The following VWA8 variants were observed in gnomAD, a reference collection of about 807,000 sequenced individuals.
VWA8 encodes the protein von Willebrand factor A domain containing 8.
Under a neutral mutation model 241.5 loss-of-function variants are expected in VWA8, and 221 were observed. The observed-to-expected ratio is 0.91, with a 90% confidence interval of 0.82 to 1.02. The LOEUF (loss-of-function observed/expected upper bound fraction) is 1.02. Among genes scored for constraint, VWA8 ranks in the 50% least tolerant of loss-of-function variants. The pLI, the probability that VWA8 is intolerant of heterozygous loss-of-function variation, is 0.00. For missense variants in VWA8, 2,322 were observed against 2,328.7 expected (o/e 1.00, Z 0.06); for synonymous variants, 852 against 827.1 (o/e 1.03, Z -0.52).
intron 20 of VWA8, 53 bp downstream of exon 20, chr13:41,777,932 T>C: frequency 1.4e-6 from 2 of 1,459,324 alleles, no homozygotes; most frequent in Non-Finnish European, 1.9e-6. Context: ...TTACTGCTTT[T>C]AAATTGTTAC....
intron 9 of VWA8, among the ~76,000 whole-genome samples, chr13:41,873,113 A>G (rs1873718769): frequency 6.6e-6 from 1 of 152,196 alleles, no homozygotes; most frequent in African/African-American, 2.4e-5. Context: ...AGGCAGAAAT[A>G]AAGATGTTCT....
intron 22 of VWA8, 126 bp downstream of exon 22, chr13:41,731,954 A>C: frequency 2.8e-6 from 2 of 725,798 alleles, no homozygotes; most frequent in Non-Finnish European, 4.4e-6. Flanking sequence ...CGTCTCAGGT[A>C]TGTCTTTATA....
intron 17 of VWA8, among the ~76,000 whole-genome samples, chr13:41,810,595 G>C (rs1012962803): frequency 2.0e-5 from 3 of 151,996 alleles, no homozygotes; most frequent in Admixed American, 2.0e-4. Flanking sequence ...TTCACAAAGA[G>C]AGACTAGAAG....
In VWA8 at chr13:41,830,525, T is replaced by G. The variant is rs2138000198; in HGVS notation, c.1700+4A>C. The G allele has an allele frequency of 2.5e-6, 4 of 1,611,588 alleles. No individual in the cohort carries two copies. In the East Asian group the frequency reaches 8.9e-5, roughly 36 times the overall value. ...AGCAATGGGAGTAATGGACCCCAAATTACCTCTTCTGTAGCTGTTCATCAG... is the reference window on the plus strand; with the variant it reads ...AGCAATGGGAGTAATGGACCCCAAAGTACCTCTTCTGTAGCTGTTCATCAG... On this transcript the variant is annotated splice_donor_region_variant and intron_variant, in intron 14 of 44. Transcript: ENST00000379310.
At chr13:41,638,596 T>C (rs564207377) in intron 37 of VWA8, among the ~76,000 whole-genome samples, 1 of 152,098 alleles carries the variant, frequency 6.6e-6, no homozygotes, top group South Asian at 2.1e-4. Context: ...AATAAGATGA[T>C]GAGTGAAAGG....
rs35506856 is a variant in VWA8, at chr13:41,949,031, T to TAAAAAAAAAA, written c.241+895_241+904dup. On this transcript the variant is annotated intron_variant, in intron 2 of 44. Coordinates refer to ENST00000379310, the MANE Select transcript of VWA8 (RefSeq NM_015058.2). ...AACAAGCAAAACTAATCTACCATCA[T>TAAAAAAAAAA]AAAAAAAAAAAAAAAAAAAAAAAAA... Among the ~76,000 whole-genome samples the TAAAAAAAAAA allele has an allele frequency of 2.7e-3, 172 of 63,410 alleles. 1 individual carries two copies. Among genetic ancestry groups the TAAAAAAAAAA allele is most frequent in the Non-Finnish European group, 4.0e-3 (140 of 34,952 alleles). 41.6% of individuals were successfully genotyped at this position (63,410 alleles called of 152,430 possible). A position where few individuals can be genotyped will look rare whatever the true frequency, so the allele number is the denominator to read the frequency against.
At chr13:41,693,484 A>G (rs2045193358) in intron 29 of VWA8, among the ~76,000 whole-genome samples, 1 of 152,074 alleles carries the variant, frequency 6.6e-6, no homozygotes, top group South Asian at 2.1e-4. Flanking sequence ...TAAAATAGAT[A>G]TAAAGAGGAC....
At chr13:41,866,388 T>TGTGC (rs892488229) in intron 10 of VWA8, among the ~76,000 whole-genome samples, 2 of 148,036 alleles carry the variant, frequency 1.4e-5, no homozygotes, top group African/African-American at 5.0e-5. Context: ...TGTGTGTGTG[T>TGTGC]GCGCGTGTGT....
At chr13:41,959,887 C>A (rs1878532163) in intron 1 of VWA8, among the ~76,000 whole-genome samples, 1 of 152,150 alleles carries the variant, frequency 6.6e-6, no homozygotes, top group Non-Finnish European at 1.5e-5. Flanking sequence ...GGATTACAGG[C>A]GTGAGCCACC....
intron 40 of VWA8, among the ~76,000 whole-genome samples, chr13:41,595,588 G>A (rs1307446608): frequency 1.3e-5 from 2 of 152,074 alleles, no homozygotes; most frequent in Non-Finnish European, 2.9e-5. Flanking sequence ...GCCTGTTTCT[G>A]AACTTTATAA....
chr13:41,728,085 C>T (rs1289581679), intron 23 of VWA8, among the ~76,000 whole-genome samples: 1 of 152,008 alleles, frequency 6.6e-6, no homozygotes, highest in Non-Finnish European at 1.5e-5. Context: ...AGTTGCCCAT[C>T]TTTAAAAAAT....
In VWA8 at chr13:41,891,382, G is replaced by C. The variant is rs534318655; in HGVS notation, c.651+38C>G. 35 of 1,612,128 alleles carry C rather than the reference G, an allele frequency of 2.2e-5. 1 individual carries two copies. In the South Asian group the frequency reaches 3.3e-4, roughly 15 times the overall value. ...AATAAAATGGCACTGCCCATAGCTTGACAGCAAAGACAAAGCAACAGGATT... is the reference window on the plus strand; with the variant it reads ...AATAAAATGGCACTGCCCATAGCTTCACAGCAAAGACAAAGCAACAGGATT... On this transcript the variant is annotated intron_variant, in intron 5 of 44. Coordinates refer to ENST00000379310, the MANE Select transcript of VWA8 (RefSeq NM_015058.2).
chr13:41,633,869 A>G (rs1387731715), intron 37 of VWA8, among the ~76,000 whole-genome samples: 1 of 152,038 alleles, frequency 6.6e-6, no homozygotes, highest in African/African-American at 2.4e-5. Flanking sequence ...TTTGTTTCCC[A>G]CTTATACCTT....
chr13:41,886,659 T>C (rs1874553881), intron 7 of VWA8, 122 bp downstream of exon 7: 3 of 805,854 alleles, frequency 3.7e-6, no homozygotes, highest in East Asian at 2.8e-5. Context: ...AACATCCTAA[T>C]ACTGAAAAAT....
At chr13:41,821,400 G>T (rs1888558) in intron 14 of VWA8, among the ~76,000 whole-genome samples, 3 of 151,926 alleles carry the variant, frequency 2.0e-5, no homozygotes, top group Non-Finnish European at 4.4e-5. Context: ...CTCCCTAAAG[G>T]CTTCCTTACA....
chr13:41,892,695 C>T (rs1315973358), intron 4 of VWA8, among the ~76,000 whole-genome samples: 2 of 152,200 alleles, frequency 1.3e-5, no homozygotes, highest in South Asian at 2.1e-4. Context: ...CACCTCAGGT[C>T]CCTTGTACAA....
At chr13:41,732,025 T>C in intron 22 of VWA8, 55 bp downstream of exon 22, 1 of 1,517,814 alleles carries the variant, frequency 6.6e-7, no homozygotes, top group Non-Finnish European at 9.1e-7. Flanking sequence ...AAAACTGAAA[T>C]ACAACTATGA....
intron 17 of VWA8, among the ~76,000 whole-genome samples, chr13:41,793,549 C>T (rs1278548194): frequency 1.3e-5 from 2 of 152,136 alleles, no homozygotes; most frequent in East Asian, 3.9e-4. Context: ...CACGGTGGCT[C>T]ACACTTGTAA....
At chr13:41,689,232 C>CCTTCCATG in intron 34 of VWA8, 122 bp downstream of exon 34, 3 of 1,111,322 alleles carry the variant, frequency 2.7e-6, no homozygotes, top group Non-Finnish European at 3.7e-6. Flanking sequence ...GGAAGGAAGA[C>CCTTCCATG]TTGATCCAAC....
Sources: allele counts gnomAD v4.1 joint callset (sites outside exome capture counted in the v4.1 genomes callset), GRCh38; gene constraint gnomAD v4.1.1; transcripts MANE v1.5; gene names NCBI Gene and HGNC (gene_info 2026-07-23, HGNC 2026-07-21).